Variants in TENM2 observed in about 807,000 individuals in gnomAD.
TENM2 encodes teneurin-2.
TENM2 carries 52 observed loss-of-function variants against 245.2 expected under a neutral mutation model. The ratio of observed to expected loss-of-function variants is 0.21; its 90% CI spans 0.17 to 0.27. The LOEUF (loss-of-function observed/expected upper bound fraction) is 0.27, where lower values mean the gene tolerates loss of function less well. Among genes scored for constraint, TENM2 ranks in the 10% least tolerant of loss-of-function variants. The pLI, the probability that TENM2 is intolerant of heterozygous loss-of-function variation, is 1.00. For synonymous variants in TENM2, 1,363 were observed against 1,438.9 expected (o/e 0.95, Z 1.19); for missense variants, 3,046 against 3,666.8 (o/e 0.83, Z 4.37).
chr5:168,099,839 GAC>G (rs1793664521), intron 9 of TENM2, among the ~76,000 whole-genome samples: 2 of 152,190 alleles, frequency 1.3e-5, no homozygotes, highest in African/African-American at 2.4e-5. Context: ...ATTCCTAAAT[GAC>G]ACCGCTTACA....
chr5:167,218,055 G>A, the TENM2 span, among the ~76,000 whole-genome samples: 1 of 152,180 alleles, frequency 6.6e-6, no homozygotes, highest in South Asian at 2.1e-4. Flanking sequence ...AGCCCTTTAT[G>A]AGATGTAATG....
intron 2 of TENM2, among the ~76,000 whole-genome samples, chr5:167,532,798 A>G (rs1771600982): frequency 7.5e-6 from 1 of 133,576 alleles, no homozygotes; most frequent in Non-Finnish European, 1.6e-5. Flanking sequence ...ATATACACAT[A>G]TATATTTGTG....
At chr5:168,081,789 C>T (rs896689385) in intron 7 of TENM2, among the ~76,000 whole-genome samples, 1 of 152,214 alleles carries the variant, frequency 6.6e-6, no homozygotes, top group African/African-American at 2.4e-5. Flanking sequence ...AGAGTTTCTG[C>T]CGAGAGATCC....
chr5:168,148,561 C>T (rs1756322034), intron 12 of TENM2, among the ~76,000 whole-genome samples: 1 of 152,104 alleles, frequency 6.6e-6, no homozygotes, highest in Admixed American at 6.5e-5. Flanking sequence ...GATATGTTCA[C>T]GATAATTCAG....
chr5:168,091,707 TGGGC>T (rs1792959092), intron 8 of TENM2, among the ~76,000 whole-genome samples: 1 of 152,220 alleles, frequency 6.6e-6, no homozygotes, highest in Non-Finnish European at 1.5e-5. Flanking sequence ...GGAAATGGCA[TGGGC>T]TTCTGGGTCT....
intron 4 of TENM2, among the ~76,000 whole-genome samples, chr5:167,976,947 A>G (rs1782485227): frequency 6.6e-6 from 1 of 152,376 alleles, no homozygotes. Flanking sequence ...GACTAGATAA[A>G]GAAGATGTGG....
At chr5:167,490,830 G>T (rs182784544) in intron 2 of TENM2, among the ~76,000 whole-genome samples, 116 of 152,220 alleles carry the variant, frequency 7.6e-4, no homozygotes, top group Non-Finnish European at 1.4e-3. Context: ...TTCCTTAACT[G>T]TCAATGGTAA....
intron 12 of TENM2, among the ~76,000 whole-genome samples, chr5:168,154,854 T>C (rs2152432521): frequency 6.6e-6 from 1 of 152,276 alleles, no homozygotes; most frequent in East Asian, 1.9e-4. Flanking sequence ...CATACTTGCA[T>C]CTACACAAAC....
chr5:168,228,307 G>A (rs1239953163), intron 25 of TENM2, among the ~76,000 whole-genome samples, 177 bp downstream of exon 27: 1 of 152,138 alleles, frequency 6.6e-6, no homozygotes, highest in Non-Finnish European at 1.5e-5. Flanking sequence ...CCTGGAAAAG[G>A]CAAACTCTCC....
the TENM2 span, among the ~76,000 whole-genome samples, chr5:166,993,307 C>T: frequency 6.6e-6 from 1 of 152,062 alleles, no homozygotes; most frequent in South Asian, 2.1e-4. Flanking sequence ...TCCTGTGTGC[C>T]CTCCCGCGAG....
chr5:167,878,481 A>C (rs1160278485), intron 3 of TENM2, among the ~76,000 whole-genome samples: 1 of 152,098 alleles, frequency 6.6e-6, no homozygotes, highest in East Asian at 1.9e-4. Context: ...GAGTTTGTTA[A>C]AGCTCCGGTC....
chr5:167,282,224 C>T (rs1168678194), upstream of TENM2, among the ~76,000 whole-genome samples: 1 of 152,062 alleles, frequency 6.6e-6, no homozygotes. Flanking sequence ...AGAAAATCAT[C>T]AAAGTGACTC....
intron 2 of TENM2, among the ~76,000 whole-genome samples, chr5:167,537,771 G>A (rs190111620): frequency 6.6e-6 from 1 of 152,270 alleles, no homozygotes; most frequent in Non-Finnish European, 1.5e-5. Context: ...ACCCACGTGG[G>A]TATCATTAGC....
chr5:167,459,726 G>A (rs1325448860), intron 2 of TENM2, among the ~76,000 whole-genome samples: 1 of 152,060 alleles, frequency 6.6e-6, no homozygotes, highest in Non-Finnish European at 1.5e-5. Flanking sequence ...CCCAATGGGT[G>A]TGCAGTGACA....
chr5:167,322,390 C>G (rs867644234), intron 1 of TENM2, among the ~76,000 whole-genome samples: 1 of 152,118 alleles, frequency 6.6e-6, no homozygotes, highest in Non-Finnish European at 1.5e-5. Context: ...ATTTCCCTCT[C>G]TAGGAAACAC....
chr5:167,002,306 CT>C, the TENM2 span, among the ~76,000 whole-genome samples: 7 of 152,240 alleles, frequency 4.6e-5, no homozygotes, highest in South Asian at 8.3e-4. Flanking sequence ...TGAACTCTTT[CT>C]TACTAAAATA....
chr5:167,136,646 T>C, the TENM2 span, among the ~76,000 whole-genome samples: 1 of 152,318 alleles, frequency 6.6e-6, no homozygotes, highest in South Asian at 2.1e-4. Flanking sequence ...GTCACTCAAA[T>C]GAGAAAGAAT....
chr5:167,086,704 A>C, the TENM2 span, among the ~76,000 whole-genome samples: 1 of 152,152 alleles, frequency 6.6e-6, no homozygotes, highest in Non-Finnish European at 1.5e-5. Flanking sequence ...CATCTATTGC[A>C]TCTGTAGTTC....
At chr5:168,112,358 G>A (rs1419265532) in intron 9 of TENM2, among the ~76,000 whole-genome samples, 1 of 151,922 alleles carries the variant, frequency 6.6e-6, no homozygotes, top group Non-Finnish European at 1.5e-5. Context: ...TATTTTTCCT[G>A]ATCCTCTCTC....
Sources: allele counts gnomAD v4.1 joint callset (sites outside exome capture counted in the v4.1 genomes callset), GRCh38; gene constraint gnomAD v4.1.1; transcripts MANE v1.5; gene names NCBI Gene and HGNC (gene_info 2026-07-23, HGNC 2026-07-21).